The following YWHAH variants were observed in gnomAD, a reference collection of about 807,000 sequenced individuals.
YWHAH encodes 14-3-3 protein eta.
YWHAH carries 6 observed loss-of-function variants against 22.9 expected under a neutral mutation model. The observed-to-expected ratio is 0.26, with a 90% confidence interval of 0.14 to 0.52. The LOEUF is 0.52. Among genes scored for constraint, YWHAH ranks in the 20% least tolerant of loss-of-function variants. The probability of loss-of-function intolerance (pLI) is 0.97; values close to 1 mark genes in which losing one functional copy is unlikely to be tolerated. For missense variants in YWHAH, 173 were observed against 308.6 expected, an observed-to-expected ratio of 0.56 and a Z score of 3.29; for synonymous variants, 135 against 124.5, an observed-to-expected ratio of 1.08 and a Z score of -0.56.
In YWHAH at chr22:31,956,067, T is replaced by C; in HGVS notation, c.88-72T>C. On this transcript the variant is annotated intron_variant, in intron 1 of 1. Coordinates refer to ENST00000248975, the MANE Select transcript of YWHAH (RefSeq NM_003405.4). The surrounding 1 kb of genome is among the most constrained non-coding windows in gnomAD (Gnocchi z 5.1). ...CGTTCTTGAGAAGGATTGTTGATTA[T>C]GTTGAAGGGAAGGCTTCTTACCAAG... 1.3e-6 allele frequency: 2 copies of C among 1,503,508 alleles called. No homozygotes were observed. Among genetic ancestry groups the C allele is most frequent in the Non-Finnish European group, 1.8e-6 (2 of 1,119,090 alleles). 93.1% of individuals were successfully genotyped at this position (1,503,508 alleles called of 1,614,324 possible).
intron 1 of YWHAH, among the ~76,000 whole-genome samples, chr22:31,945,844 G>T (rs2093833654): frequency 6.6e-6 from 1 of 152,120 alleles, no homozygotes; most frequent in Non-Finnish European, 1.5e-5. Context: ...TCAGACATCT[G>T]CATTGTAACC....
intron 1 of YWHAH, chr22:31,947,504 C>T (rs1417261218): frequency 8.5e-6 from 4 of 471,186 alleles, no homozygotes; most frequent in African/African-American, 2.0e-5. Flanking sequence ...GAAGAAAAAT[C>T]GTGCATACTG....
chr22:31,947,150 G>A (rs2093836126), intron 1 of YWHAH, among the ~76,000 whole-genome samples: 1 of 152,190 alleles, frequency 6.6e-6, no homozygotes, highest in Non-Finnish European at 1.5e-5. Flanking sequence ...TTTGGAAAGG[G>A]TGTAAGTTTC....
intron 1 of YWHAH, among the ~76,000 whole-genome samples, chr22:31,948,229 A>G (rs1312984999): frequency 6.6e-6 from 1 of 152,180 alleles, no homozygotes; most frequent in African/African-American, 2.4e-5. Flanking sequence ...GAGGAGGGGC[A>G]TTTGGCCCAA....
Position 31,945,358 on chromosome 22 carries a change from T to A in YWHAH, c.87+538T>A, listed in dbSNP as rs1429647896. 6 of 1,265,880 alleles carry A rather than the reference T, an allele frequency of 4.7e-6. No individual in the cohort carries two copies. In the South Asian group the frequency reaches 7.7e-5, roughly 16 times the overall value. 78.4% of individuals were successfully genotyped at this position (1,265,880 alleles called of 1,614,324 possible). ...ATCTTCCCACGCCTGGGGGTCTGGCTTTGTGTGCGAAGACCCCTTTCCTGC... is the reference window on the plus strand; with the variant it reads ...ATCTTCCCACGCCTGGGGGTCTGGCATTGTGTGCGAAGACCCCTTTCCTGC... On this transcript the variant is annotated intron_variant, in intron 1 of 1. Coordinates refer to ENST00000248975, the MANE Select transcript of YWHAH (RefSeq NM_003405.4).
intron 1 of YWHAH, among the ~76,000 whole-genome samples, chr22:31,955,418 C>G (rs187049465): frequency 6.7e-6 from 1 of 150,084 alleles, no homozygotes; most frequent in Non-Finnish European, 1.5e-5. Context: ...AGGGACCGTA[C>G]GATCTTACTG....
chr22:31,952,079 GGTGTTAGAGCGGAAAGAGGCTGAAAACTA>G (rs1293690465), intron 1 of YWHAH, among the ~76,000 whole-genome samples: 6 of 152,180 alleles, frequency 3.9e-5, no homozygotes, highest in African/African-American at 1.4e-4. Flanking sequence ...TTGTAATCTT[GGTGTTAGAGCGGAAAGAGGCTGAAAACTA>G]TTGTCTAGGC....
rs2093849610 is a variant in YWHAH, at chr22:31,956,358, C to T, written c.307C>T (p.Leu103=). 6.2e-7 allele frequency: 1 copy of T among 1,614,124 alleles called. No individual in the cohort carries two copies. The highest frequency in any genetic ancestry group is 1.1e-5 in the South Asian group (1 of 91,070). The change falls in exon 2 of 2, where the codon CTG becomes TTG. Residue 103 remains leucine, a synonymous_variant. Transcript: ENST00000248975. This position sits in a 1 kb window ranked among gnomAD's most constrained non-coding sequence, Gnocchi z 5.1. ...GACAGTTTGCAATGATGTCCTGTCT[C>T]TGCTTGACAAGTTCCTGATCAAGAA... The part of the protein sequence containing the change: ...LETVCNDVLS[L]LDKFLIKNCN...
chr22:31,956,619 C>T lies in YWHAH; in HGVS notation c.568C>T (p.Pro190Ser), dbSNP rs554213754. The change falls in exon 2 of 2, where the codon CCT becomes TCT. Residue 190 changes from proline to serine, a missense_variant. Transcript: ENST00000248975. This position sits in a 1 kb window ranked among gnomAD's most constrained non-coding sequence, Gnocchi z 5.1. ...GTTCTACTATGAGATCCAGAATGCACCTGAGCAAGCCTGCCTCTTAGCCAA... is the reference window on the plus strand; with the variant it reads ...GTTCTACTATGAGATCCAGAATGCATCTGAGCAAGCCTGCCTCTTAGCCAA... ...SVFYYEIQNA[P>S]EQACLLAKQA... 1 of 1,614,128 alleles carries T rather than the reference C, an allele frequency of 6.2e-7. No individual in the cohort carries two copies. The highest frequency in any genetic ancestry group is 8.5e-7 in the Non-Finnish European group (1 of 1,180,030).
chr22:31,954,653 T>A (rs528765925), intron 1 of YWHAH, among the ~76,000 whole-genome samples: 31 of 152,302 alleles, frequency 2.0e-4, no homozygotes, highest in African/African-American at 7.5e-4. Flanking sequence ...CTAGGCACTC[T>A]CCCAGCTTCT....
At chr22:31,955,016 G>T (rs546206356) in intron 1 of YWHAH, among the ~76,000 whole-genome samples, 2 of 152,164 alleles carry the variant, frequency 1.3e-5, no homozygotes, top group Non-Finnish European at 2.9e-5. Flanking sequence ...GGAGAACTAA[G>T]GGAAGTTAAA....
intron 1 of YWHAH, among the ~76,000 whole-genome samples, chr22:31,952,051 G>A (rs1185392278): frequency 1.3e-5 from 2 of 152,186 alleles, no homozygotes; most frequent in Non-Finnish European, 2.9e-5. Context: ...GGAAGGTGCC[G>A]TGTGGCAGAA....
chr22:31,946,939 G>A (rs1229060870), intron 1 of YWHAH, among the ~76,000 whole-genome samples: 1 of 152,134 alleles, frequency 6.6e-6, no homozygotes, highest in African/African-American at 2.4e-5. Context: ...TCAGAATGGT[G>A]ATAAACCATT....
intron 1 of YWHAH, among the ~76,000 whole-genome samples, chr22:31,952,277 G>A (rs545284283): frequency 1.6e-4 from 24 of 152,182 alleles, no homozygotes; most frequent in Non-Finnish European, 3.4e-4. Context: ...TTGCCTCTCA[G>A]TACAGTTTAT....
intron 1 of YWHAH, among the ~76,000 whole-genome samples, chr22:31,950,775 C>A (rs135315): frequency 1 from 152,303 of 152,314 alleles, 76,146 homozygotes; most frequent in Middle Eastern, 1. Context: ...ATGTTCTTGC[C>A]CAGTGGCCTG....
rs1468205740 is a variant in YWHAH at position 31,957,009 on chromosome 22, A to C, written c.*217A>C. The C allele has an allele frequency of 1.7e-6, 1 of 576,922 alleles. No individual in the cohort carries two copies. Among genetic ancestry groups the C allele is most frequent in the Non-Finnish European group, 2.9e-6 (1 of 339,584 alleles). The allele number at this position is 576,922 out of a possible 1,614,324, so 35.7% of individuals were successfully genotyped here. ...TGAGCCCACAGGAGCTCCCTTTTTG[A>C]ATTGTGTGGAGAAGTGTGTTCTGAT... On this transcript the variant is annotated 3_prime_UTR_variant, in exon 2 of 2. Coordinates refer to ENST00000248975, the MANE Select transcript of YWHAH (RefSeq NM_003405.4).
At position 31,956,576 on chromosome 22, in the gene YWHAH, G is replaced by GGCCCTC. The variant is rs1569277259; in HGVS notation, c.526_531dup (p.Ala176_Leu177dup). ...CCACGCATCCCATCCGGCTGGGCCT[G>GGCCCTC]GCCCTCAACTTCTCCGTGTTCTACT... On this transcript the variant is annotated inframe_insertion, in exon 2 of 2. Transcript: ENST00000248975. This position sits in a 1 kb window ranked among gnomAD's most constrained non-coding sequence, Gnocchi z 5.1. 1 of 1,614,148 alleles carries GGCCCTC rather than the reference G, an allele frequency of 6.2e-7. No individual in the cohort carries two copies. The highest frequency in any genetic ancestry group is 1.1e-5 in the South Asian group (1 of 91,080).
At chr22:31,955,803 C>T (rs2093848925) in intron 1 of YWHAH, among the ~76,000 whole-genome samples, 1 of 152,190 alleles carries the variant, frequency 6.6e-6, no homozygotes. Flanking sequence ...CCATTATGTA[C>T]TGCTGCTGTA....
rs760273556 is a variant in YWHAH, at chr22:31,949,136, CTT to C, written c.87+4337_87+4338del. Reference sequence around the variant, plus strand: ...TAGCAAGTTTATATAACATATTTTACTTTTTTTTTTTTTTTTTTTTTTGAGAC... The same window carrying C: ...TAGCAAGTTTATATAACATATTTTACTTTTTTTTTTTTTTTTTTTTGAGAC... On this transcript the variant is annotated intron_variant, in intron 1 of 1. Coordinates refer to ENST00000248975, the MANE Select transcript of YWHAH (RefSeq NM_003405.4). Among the ~76,000 whole-genome samples, 55 of 99,044 alleles carry C rather than the reference CTT, an allele frequency of 5.6e-4. 1 individual carries two copies. The highest frequency in any genetic ancestry group is 6.0e-3 in the Middle Eastern group (1 of 166). 65.0% of individuals were successfully genotyped at this position (99,044 alleles called of 152,430 possible).
Sources: gnomAD v4.1 joint callset for allele counts (sites outside exome capture counted in the v4.1 genomes callset) on GRCh38, gnomAD v4.1.1 for gene constraint, Gnocchi (gnomAD v3.1) non-coding constraint, MANE v1.5 for transcripts, NCBI Gene and HGNC (gene_info 2026-07-23, HGNC 2026-07-21) for gene names.